CACNA1C: variants seen among roughly 807,000 people sequenced by gnomAD.
CACNA1C encodes voltage-dependent L-type calcium channel subunit alpha-1C.
In CACNA1C, 30 loss-of-function variants were observed where a neutral mutation model predicts 229.0. The ratio of observed to expected loss-of-function variants is 0.13; its 90% CI spans 0.10 to 0.18. The LOEUF is 0.18. CACNA1C is among the 10% of genes least tolerant of loss of function. CACNA1C has a pLI of 1.00. For missense variants in CACNA1C, 1,658 were observed against 2,845.0 expected (o/e 0.58, Z 9.49); for synonymous variants, 1,114 against 1,132.5 (o/e 0.98, Z 0.33).
At chr12:2,500,769 A>G (rs1033656793) in intron 7 of CACNA1C, among the ~76,000 whole-genome samples, 1 of 152,210 alleles carries the variant, frequency 6.6e-6, no homozygotes, top group African/African-American at 2.4e-5. Context: ...GGAGTAGGTC[A>G]GTACCATGGG....
chr12:2,663,975 C>T (rs563038363), intron 34 of CACNA1C, among the ~76,000 whole-genome samples: 62 of 152,068 alleles, frequency 4.1e-4, no homozygotes, highest in African/African-American at 1.5e-3. Flanking sequence ...CTCCTGACCT[C>T]GTGATCCGCC....
intron 3 of CACNA1C, among the ~76,000 whole-genome samples, chr12:2,294,705 TA>T (rs2093857554): frequency 1.3e-5 from 2 of 152,304 alleles, no homozygotes; most frequent in African/African-American, 4.8e-5. Flanking sequence ...ATGGCTTTGT[TA>T]GTTAATATGT....
chr12:2,240,706 C>T (rs1305406564), intron 3 of CACNA1C, among the ~76,000 whole-genome samples: 1 of 152,172 alleles, frequency 6.6e-6, no homozygotes, highest in Admixed American at 6.5e-5. Context: ...GGACAAGGTG[C>T]CTTCTCCACC....
chr12:2,431,312 C>T (rs956950213), intron 3 of CACNA1C, among the ~76,000 whole-genome samples: 1 of 152,200 alleles, frequency 6.6e-6, no homozygotes, highest in Non-Finnish European at 1.5e-5. Context: ...TATACTCCAA[C>T]GTCTTCATTA....
At chr12:2,454,817 C>T (rs112994283) in intron 4 of CACNA1C, among the ~76,000 whole-genome samples, 3 of 152,332 alleles carry the variant, frequency 2.0e-5, no homozygotes, top group African/African-American at 4.8e-5. Context: ...TCCCCTTTCA[C>T]GTTTTCAGCT....
intron 19 of CACNA1C, among the ~76,000 whole-genome samples, chr12:2,594,639 A>G (rs2067170387): frequency 6.6e-6 from 1 of 152,208 alleles, no homozygotes; most frequent in African/African-American, 2.4e-5. Context: ...GTTGTTTTAT[A>G]GTCTATATCT....
At chr12:2,578,113 C>T (rs908598768) in intron 13 of CACNA1C, among the ~76,000 whole-genome samples, 3 of 152,076 alleles carry the variant, frequency 2.0e-5, no homozygotes, top group African/African-American at 7.2e-5. Flanking sequence ...CGTGATCCGC[C>T]CGCCTCGGCC....
intron 1 of CACNA1C, among the ~76,000 whole-genome samples, chr12:2,077,008 T>C (rs2063460633): frequency 6.6e-6 from 1 of 152,240 alleles, no homozygotes; most frequent in Non-Finnish European, 1.5e-5. Flanking sequence ...TCACTAGCTG[T>C]GGCTTCATGT....
In CACNA1C at chr12:2,696,383, G is replaced by C. The variant is rs2097842676; in HGVS notation, c.*5184G>C. ...AGAGGCTTGAAATGTTACATCACCA[G>C]AGCCAAGTCCTCTCCCTTCAGATCA... is the stretch of plus-strand genomic sequence containing the variant. On this transcript the variant is annotated 3_prime_UTR_variant, in exon 47 of 47. Transcript: ENST00000399655. 6.6e-6 allele frequency: 1 copy of C among 152,180 alleles called. No homozygotes were observed. The highest frequency in any genetic ancestry group is 1.5e-5 in the Non-Finnish European group (1 of 68,040). 9.4% of individuals were successfully genotyped at this position (152,180 alleles called of 1,614,324 possible). A position where few individuals can be genotyped will look rare whatever the true frequency, so the allele number is the denominator to read the frequency against.
At chr12:2,360,721 G>A (rs905154103) in intron 3 of CACNA1C, among the ~76,000 whole-genome samples, 1 of 152,238 alleles carries the variant, frequency 6.6e-6, no homozygotes, top group Non-Finnish European at 1.5e-5. Context: ...CAGTCTCTGA[G>A]GTCCATCCAG....
intron 1 of CACNA1C, among the ~76,000 whole-genome samples, chr12:2,019,418 C>T (rs7967149): frequency 0.093 from 13,950 of 149,354 alleles, 874 homozygotes; most frequent in Non-Finnish European, 0.14. Flanking sequence ...AATGATTACG[C>T]CACTGCACTC....
chr12:2,195,855 C>G (rs1413179695), intron 3 of CACNA1C, among the ~76,000 whole-genome samples: 1 of 152,230 alleles, frequency 6.6e-6, no homozygotes, highest in African/African-American at 2.4e-5. Flanking sequence ...ACAGTGACCA[C>G]TTAGTCCACT....
chr12:2,331,183 A>G (rs1593047213), intron 3 of CACNA1C, among the ~76,000 whole-genome samples: 1 of 152,234 alleles, frequency 6.6e-6, no homozygotes, highest in African/African-American at 2.4e-5. Flanking sequence ...AAAAAATTCT[A>G]ATTTAAAAAG....
At chr12:2,492,298 T>C (rs542904522) in intron 6 of CACNA1C, among the ~76,000 whole-genome samples, 3 of 152,328 alleles carry the variant, frequency 2.0e-5, no homozygotes, top group Admixed American at 2.0e-4. Context: ...CACGTGAAAT[T>C]AGTCCAACTG....
At chr12:2,483,684 C>T (rs946616530) in intron 5 of CACNA1C, among the ~76,000 whole-genome samples, 4 of 152,204 alleles carry the variant, frequency 2.6e-5, no homozygotes, top group African/African-American at 7.2e-5. Flanking sequence ...GATCAGTTTT[C>T]TGGTCTGGGT....
At chr12:2,490,627 A>T (rs755947902) in intron 6 of CACNA1C, among the ~76,000 whole-genome samples, 5 of 152,056 alleles carry the variant, frequency 3.3e-5, no homozygotes, top group Non-Finnish European at 7.4e-5. Flanking sequence ...CAGCTCCCAA[A>T]TTTTTCGGTG....
Position 2,679,691 on chromosome 12 carries a change from G to T in CACNA1C, c.5339G>T (p.Arg1780Leu), listed in dbSNP as rs756829999. The T allele has an allele frequency of 1.2e-6, 2 of 1,612,120 alleles. No individual in the cohort carries two copies. The highest frequency in any genetic ancestry group is 2.2e-5 in the East Asian group (1 of 44,820). ...ANNTALGRLP[R>L]PAGYPSTVST... ...AACACCGCCCTGGGTCGCCTCCCTC[G>T]CCCCGCCGGCTACCCCAGCACGGTC... is the stretch of plus-strand genomic sequence containing the variant. Residue 1780 changes from arginine to leucine, a missense_variant, in exon 42 of 47, where the codon CGC becomes CTC. Around this residue, in one of 20 missense-constraint regions of CACNA1C, gnomAD observed 590 missense variants for 700.8 expected, o/e 0.84. Transcript: ENST00000399655. This position sits in a 1 kb window ranked among gnomAD's most constrained non-coding sequence, Gnocchi z 5.5.
At chr12:2,276,237 A>G (rs2087966191) in intron 3 of CACNA1C, among the ~76,000 whole-genome samples, 1 of 152,136 alleles carries the variant, frequency 6.6e-6, no homozygotes, top group Non-Finnish European at 1.5e-5. Flanking sequence ...TGGGATATGA[A>G]CCCGAATCTC....
intron 1 of CACNA1C, among the ~76,000 whole-genome samples, chr12:1,989,505 G>A (rs906990615): frequency 6.6e-6 from 1 of 152,232 alleles, no homozygotes; most frequent in African/African-American, 2.4e-5. Flanking sequence ...CTTGAAGTCA[G>A]GAGTTTGAGA....
Sources: allele counts gnomAD v4.1 joint callset (sites outside exome capture counted in the v4.1 genomes callset), GRCh38; gene constraint gnomAD v4.1.1; regional missense constraint gnomAD v4.1.1; non-coding constraint Gnocchi (gnomAD v3.1); transcripts MANE v1.5; gene names NCBI Gene and HGNC (gene_info 2026-07-23, HGNC 2026-07-21).